Variants in PTPRN2 observed in about 807,000 individuals in gnomAD.
PTPRN2 encodes the protein receptor-type tyrosine-protein phosphatase N2.
In PTPRN2, 74 loss-of-function variants were observed where a neutral mutation model predicts 118.8. That is an observed-to-expected ratio of 0.62 (90% CI 0.52 to 0.76). The LOEUF (loss-of-function observed/expected upper bound fraction) is 0.76. Ranked by LOEUF, PTPRN2 falls within the 30% of genes least tolerant of loss-of-function variation. The pLI, the probability that PTPRN2 is intolerant of heterozygous loss-of-function variation, is 0.00. For missense variants in PTPRN2, 1,481 were observed against 1,394.4 expected (o/e 1.06, Z -0.99); for synonymous variants, 641 against 608.0 (o/e 1.05, Z -0.80).
At position 157,674,161 on chromosome 7, in the gene PTPRN2, C is replaced by A. The variant is rs934223107; in HGVS notation, c.2001+8564G>T. ...CAGCCATGGCAAAATGAACCCCCAA[C>A]ACAGCAGGGGAGGGAAGGAGGAGGC... On this transcript the variant is annotated intron_variant, in intron 13 of 22. Transcript: ENST00000389418. The surrounding 1 kb of genome is among the most constrained non-coding windows in gnomAD (Gnocchi z 4.5). Among the ~76,000 whole-genome samples the A allele has an allele frequency of 1.3e-5, 2 of 152,090 alleles. No individual in the cohort carries two copies. Among genetic ancestry groups the A allele is most frequent in the African/African-American group, 4.8e-5 (2 of 41,420 alleles).
At chr7:157,884,819 G>A (rs1020952638) in intron 12 of PTPRN2, among the ~76,000 whole-genome samples, 11 of 152,162 alleles carry the variant, frequency 7.2e-5, no homozygotes, top group African/African-American at 2.7e-4. Context: ...ACGACATGTG[G>A]CAATTGTGGG....
At chr7:157,737,233 G>A (rs949106216) in intron 12 of PTPRN2, among the ~76,000 whole-genome samples, 3 of 152,320 alleles carry the variant, frequency 2.0e-5, no homozygotes, top group East Asian at 1.9e-4. Context: ...ACGGCCTGGC[G>A]AGCTCACTCT....
rs936626084 is a variant in PTPRN2 at position 157,794,450 on chromosome 7, G to C, written c.1788+104223C>G. 6.6e-6 allele frequency among the ~76,000 whole-genome samples: 1 copy of C among 152,200 alleles called. No homozygotes were observed. The highest frequency in any genetic ancestry group is 1.5e-5 in the Non-Finnish European group (1 of 68,036). ...CAGCTTCCCTCTGAAAGCCCATTGTGTCTGCCCCTATTCTTTGAAGCTTCA... is the reference window on the plus strand; with the variant it reads ...CAGCTTCCCTCTGAAAGCCCATTGTCTCTGCCCCTATTCTTTGAAGCTTCA... On this transcript the variant is annotated intron_variant, in intron 12 of 22. Coordinates refer to ENST00000389418, the MANE Select transcript of PTPRN2 (RefSeq NM_002847.5). The surrounding 1 kb of genome is among the most constrained non-coding windows in gnomAD (Gnocchi z 5.2).
intron 6 of PTPRN2, among the ~76,000 whole-genome samples, chr7:158,158,071 T>C (rs1821994198): frequency 6.6e-6 from 1 of 152,132 alleles, no homozygotes; most frequent in Admixed American, 6.5e-5. Context: ...TTTTTTTTTT[T>C]TAAGCCAAGA....
At position 158,519,283 on chromosome 7, in the gene PTPRN2, C is replaced by T. The variant is rs1823808159; in HGVS notation, c.113-29498G>A. On this transcript the variant is annotated intron_variant, in intron 1 of 22. Transcript: ENST00000389418. ...GACACTGTCCTGCCAGCCAGCACAT[C>T]TCCTCATTTTATGAAGTCGGACTCA... 2.0e-5 allele frequency among the ~76,000 whole-genome samples: 3 copies of T among 152,320 alleles called. No individual in the cohort carries two copies. The South Asian group carries it at 6.2e-4, about 32-fold the overall frequency.
intron 22 of PTPRN2, among the ~76,000 whole-genome samples, chr7:157,547,081 A>G (rs1373729388): frequency 1.3e-5 from 2 of 152,104 alleles, no homozygotes; most frequent in Non-Finnish European, 2.9e-5. Flanking sequence ...GTCTGGAGGG[A>G]GAGGCTGCCT....
At chr7:158,402,458 C>A (rs894759348) in intron 2 of PTPRN2, among the ~76,000 whole-genome samples, 2 of 152,186 alleles carry the variant, frequency 1.3e-5, no homozygotes, top group African/African-American at 4.8e-5. Flanking sequence ...AATTTTGCAT[C>A]TGCACTGAAT....
intron 4 of PTPRN2, among the ~76,000 whole-genome samples, chr7:158,202,157 T>C (rs776610877): frequency 2.6e-5 from 4 of 152,064 alleles, no homozygotes; most frequent in Non-Finnish European, 5.9e-5. Flanking sequence ...AAATACTCTA[T>C]AAATGAAGAA....
At chr7:158,125,259 C>A (rs891238213) in intron 9 of PTPRN2, among the ~76,000 whole-genome samples, 1 of 150,776 alleles carries the variant, frequency 6.6e-6, no homozygotes, top group South Asian at 2.1e-4. Flanking sequence ...CCCAGGGCCA[C>A]CTCCCTGCCT....
At chr7:158,260,605 TACGG>T (rs35632586) in intron 3 of PTPRN2, among the ~76,000 whole-genome samples, 3,178 of 152,300 alleles carry the variant, frequency 0.021, 108 homozygotes, top group African/African-American at 0.072. Context: ...ACATTTATCC[TACGG>T]ACATTCTAAT....
intron 14 of PTPRN2, among the ~76,000 whole-genome samples, chr7:157,646,945 G>C (rs1225400848): frequency 1.4e-3 from 198 of 142,824 alleles, no homozygotes; most frequent in African/African-American, 4.9e-3. Context: ...GACCCATCCA[G>C]GGTGCACTGA....
chr7:157,918,635 G>A (rs1370874369), intron 11 of PTPRN2, among the ~76,000 whole-genome samples: 3 of 152,204 alleles, frequency 2.0e-5, no homozygotes, highest in African/African-American at 7.2e-5. Flanking sequence ...AATGGAAGGA[G>A]AGAAGGCGTC....
rs770920330 is a variant in PTPRN2 at position 158,317,032 on chromosome 7, G to A, written c.164-100C>T. Reference sequence around the variant, plus strand: ...TTGCAATGCGTTCTGATCATGTGCCGCCGTGAGGTTTTGGAGCACGGCGTC... The same window carrying A: ...TTGCAATGCGTTCTGATCATGTGCCACCGTGAGGTTTTGGAGCACGGCGTC... On this transcript the variant is annotated intron_variant, in intron 2 of 22. Coordinates refer to ENST00000389418, the MANE Select transcript of PTPRN2 (RefSeq NM_002847.5). 2.3e-4 allele frequency: 198 copies of A among 876,338 alleles called. 2 individuals are homozygous for A. The East Asian group carries it at 4.2e-3, about 19-fold the overall frequency. 54.3% of individuals were successfully genotyped at this position (876,338 alleles called of 1,614,324 possible).
At chr7:158,177,875 G>A (rs1410624666) in intron 5 of PTPRN2, among the ~76,000 whole-genome samples, 1 of 152,194 alleles carries the variant, frequency 6.6e-6, no homozygotes, top group Non-Finnish European at 1.5e-5. Context: ...CGTTTGTCTT[G>A]AGTAGAAGTG....
At chr7:158,396,400 C>G (rs1563242023) in intron 2 of PTPRN2, among the ~76,000 whole-genome samples, 2 of 152,042 alleles carry the variant, frequency 1.3e-5, no homozygotes, top group Non-Finnish European at 2.9e-5. Flanking sequence ...GAGGTGAAGT[C>G]TGTGTGTGTG....
At chr7:158,581,940 T>C (rs145615718) in intron 1 of PTPRN2, among the ~76,000 whole-genome samples, 1 of 152,338 alleles carries the variant, frequency 6.6e-6, no homozygotes, top group East Asian at 1.9e-4. Flanking sequence ...GTATTTAAAA[T>C]GTGCAGAAGC....
At chr7:158,262,499 A>T (rs1471211894) in intron 3 of PTPRN2, among the ~76,000 whole-genome samples, 9 of 51,152 alleles carry the variant, frequency 1.8e-4, no homozygotes, top group East Asian at 1.6e-3. Flanking sequence ...ACATACATGC[A>T]CACACACTGC....
intron 3 of PTPRN2, among the ~76,000 whole-genome samples, chr7:158,231,280 A>G (rs191302725): frequency 2.4e-3 from 365 of 152,318 alleles, no homozygotes; most frequent in African/African-American, 8.3e-3. Context: ...ACAACAAAAA[A>G]GATATTCCAT....
rs991561600 is a variant in PTPRN2, at chr7:157,779,369, T to G, written c.1789-96432A>C. 6.6e-6 allele frequency among the ~76,000 whole-genome samples: 1 copy of G among 152,134 alleles called. No individual in the cohort carries two copies. The highest frequency in any genetic ancestry group is 1.5e-5 in the Non-Finnish European group (1 of 68,024). On this transcript the variant is annotated intron_variant, in intron 12 of 22. Transcript: ENST00000389418. This position sits in a 1 kb window ranked among gnomAD's most constrained non-coding sequence, Gnocchi z 4.7. ...TGGTCGCTTGTGCTGAGCAAGGCCT[T>G]GCTTCTCATCTGACCAAAGAAGACC... is the stretch of plus-strand genomic sequence containing the variant.
Sources: gnomAD v4.1 joint callset for allele counts (sites outside exome capture counted in the v4.1 genomes callset) on GRCh38, gnomAD v4.1.1 for gene constraint, Gnocchi (gnomAD v3.1) non-coding constraint, MANE v1.5 for transcripts, NCBI Gene and HGNC (gene_info 2026-07-23, HGNC 2026-07-21) for gene names.